PDGFD: variants seen among roughly 807,000 people sequenced by gnomAD.
PDGFD encodes the protein platelet derived growth factor D, also known as platelet-derived growth factor D.
PDGFD carries 30 observed loss-of-function variants against 44.7 expected under a neutral mutation model. That is an observed-to-expected ratio of 0.67 (90% CI 0.50 to 0.91). PDGFD has a LOEUF of 0.91. PDGFD is among the 40% of genes least tolerant of loss of function. PDGFD has a pLI of 0.00. For missense variants in PDGFD, 445 were observed against 457.8 expected (o/e 0.97, Z 0.25); for synonymous variants, 173 against 168.4 (o/e 1.03, Z -0.21).
intron 1 of PDGFD, among the ~76,000 whole-genome samples, chr11:104,043,539 C>A (rs41350645): frequency 6.6e-6 from 1 of 152,120 alleles, no homozygotes. Context: ...TCCTGGAGTA[C>A]AGTTTGACAA....
chr11:104,006,685 C>T (rs1266626191), intron 1 of PDGFD, among the ~76,000 whole-genome samples: 3 of 152,152 alleles, frequency 2.0e-5, no homozygotes, highest in Admixed American at 2.0e-4. Context: ...AACAGCGTGG[C>T]AGAGAGAAGA....
intron 5 of PDGFD, among the ~76,000 whole-genome samples, chr11:103,939,032 A>C (rs1467537543): frequency 6.6e-6 from 1 of 152,102 alleles, no homozygotes; most frequent in Non-Finnish European, 1.5e-5. Context: ...TGACTTGGCG[A>C]TGTGGGCTCT....
chr11:104,039,344 A>G (rs1427721497), intron 1 of PDGFD, among the ~76,000 whole-genome samples: 2 of 152,026 alleles, frequency 1.3e-5, no homozygotes. Context: ...GATCTGGGAT[A>G]TCCTTTAAGT....
At chr11:103,942,607 A>G (rs1049035958) in intron 5 of PDGFD, among the ~76,000 whole-genome samples, 2 of 152,024 alleles carry the variant, frequency 1.3e-5, no homozygotes, top group Non-Finnish European at 2.9e-5. Context: ...TGAGACATTT[A>G]TATCTCGAGC....
At position 104,045,671 on chromosome 11, in the gene PDGFD, G is replaced by T. The variant is rs183865704; in HGVS notation, c.125-45416C>A. ...TCTGAAAGCAAATCCTAGGTTTTGA[G>T]TTTTTTAAGAGAATATTTGAACAAA... On this transcript the variant is annotated intron_variant, in intron 1 of 6. Coordinates refer to ENST00000393158, the MANE Select transcript of PDGFD (RefSeq NM_025208.5). Among the ~76,000 whole-genome samples the T allele has an allele frequency of 3.1e-3, 463 of 148,358 alleles. 16 individuals are homozygous for T. Among genetic ancestry groups the T allele is most frequent in the African/African-American group, 0.011 (430 of 40,896 alleles).
At chr11:103,952,383 C>G (rs1858772097) in intron 3 of PDGFD, among the ~76,000 whole-genome samples, 1 of 152,172 alleles carries the variant, frequency 6.6e-6, no homozygotes, top group Non-Finnish European at 1.5e-5. Context: ...CTACTAGCTC[C>G]TAGAGGCTGG....
intron 5 of PDGFD, among the ~76,000 whole-genome samples, chr11:103,934,052 C>T (rs1236006303): frequency 1.3e-5 from 2 of 152,082 alleles, no homozygotes; most frequent in African/African-American, 2.4e-5. Flanking sequence ...ACTATGAATC[C>T]CTGAGCTTTA....
intron 1 of PDGFD, among the ~76,000 whole-genome samples, chr11:104,068,560 CAGAA>C (rs1004811527): frequency 1.3e-5 from 2 of 152,092 alleles, no homozygotes; most frequent in African/African-American, 4.8e-5. Flanking sequence ...GCTACATAAT[CAGAA>C]AGAGCTATCA....
chr11:103,974,693 T>A (rs989617218), intron 3 of PDGFD, among the ~76,000 whole-genome samples: 16 of 152,246 alleles, frequency 1.1e-4, no homozygotes, highest in Admixed American at 5.2e-4. Context: ...GTGTTCTCAC[T>A]GTTCTCCAAC....
chr11:104,077,116 T>C (rs1298636272), intron 1 of PDGFD, among the ~76,000 whole-genome samples: 1 of 152,154 alleles, frequency 6.6e-6, no homozygotes, highest in Non-Finnish European at 1.5e-5. Flanking sequence ...GAGGGTTTGG[T>C]TCCCCTAATC....
intron 1 of PDGFD, among the ~76,000 whole-genome samples, chr11:104,015,628 T>C (rs952290790): frequency 6.6e-6 from 1 of 152,248 alleles, no homozygotes; most frequent in Admixed American, 6.5e-5. Context: ...CATATGTCTT[T>C]ACATTAGATC....
intron 5 of PDGFD, among the ~76,000 whole-genome samples, chr11:103,929,278 A>G (rs1858364264): frequency 6.6e-6 from 1 of 152,198 alleles, no homozygotes; most frequent in African/African-American, 2.4e-5. Context: ...AGGGATGGTC[A>G]GTAAGCCATT....
At chr11:104,149,219 T>C (rs1862208636) in intron 1 of PDGFD, among the ~76,000 whole-genome samples, 1 of 152,162 alleles carries the variant, frequency 6.6e-6, no homozygotes, top group East Asian at 1.9e-4. Flanking sequence ...CTTAATGTCA[T>C]CTATAGGTTA....
chr11:104,091,301 T>A (rs1032754187), intron 1 of PDGFD, among the ~76,000 whole-genome samples: 2 of 152,204 alleles, frequency 1.3e-5, no homozygotes, highest in East Asian at 3.9e-4. Flanking sequence ...GAATCAGGAA[T>A]TTTTTTTCTT....
At chr11:104,106,976 C>T (rs1001904645) in intron 1 of PDGFD, among the ~76,000 whole-genome samples, 2 of 152,038 alleles carry the variant, frequency 1.3e-5, no homozygotes, top group African/African-American at 4.8e-5. Flanking sequence ...AACTCCTGAC[C>T]TCAAGTGATC....
chr11:104,140,826 A>G (rs1862073707), intron 1 of PDGFD, among the ~76,000 whole-genome samples: 2 of 152,246 alleles, frequency 1.3e-5, no homozygotes, highest in Non-Finnish European at 2.9e-5. Flanking sequence ...TCATTAGGAT[A>G]TAAAGCCAGT....
intron 1 of PDGFD, among the ~76,000 whole-genome samples, chr11:104,138,950 C>T (rs191485442): frequency 4.6e-5 from 7 of 152,188 alleles, no homozygotes; most frequent in Non-Finnish European, 8.8e-5. Context: ...TTAGTAGAGA[C>T]GGGTTTTGGT....
intron 1 of PDGFD, among the ~76,000 whole-genome samples, chr11:104,010,017 C>T (rs1046411560): frequency 6.6e-6 from 1 of 152,140 alleles, no homozygotes; most frequent in Non-Finnish European, 1.5e-5. Context: ...TCCACCTGTG[C>T]TCAGTCTATG....
intron 1 of PDGFD, among the ~76,000 whole-genome samples, chr11:104,150,118 A>G (rs1322127036): frequency 6.6e-6 from 1 of 152,166 alleles, no homozygotes. Flanking sequence ...ACTTGCAACA[A>G]ATTTTTATGG....
Sources: gnomAD v4.1 joint callset for allele counts (sites outside exome capture counted in the v4.1 genomes callset) on GRCh38, gnomAD v4.1.1 for gene constraint, MANE v1.5 for transcripts, NCBI Gene and HGNC (gene_info 2026-07-23, HGNC 2026-07-21) for gene names.